UCK2: variants seen among roughly 807,000 people sequenced by gnomAD.
UCK2 encodes the protein uridine-cytidine kinase 2.
A neutral mutation model predicts 30.8 loss-of-function variants in UCK2; 6 were observed. The observed-to-expected ratio is 0.19, with a 90% CI of 0.11 to 0.38. UCK2 has a LOEUF of 0.38. Ranked by LOEUF, UCK2 falls within the 10% of genes least tolerant of loss-of-function variation. The pLI, the probability that UCK2 is intolerant of heterozygous loss-of-function variation, is 1.00. For synonymous variants in UCK2, 125 were observed against 133.6 expected, an observed-to-expected ratio of 0.94 and a Z score of 0.45; for missense variants, 210 against 339.8, an observed-to-expected ratio of 0.62 and a Z score of 3.00.
rs1235359742 is a variant in UCK2, at chr1:165,909,428, C to G, written c.*1605C>G. On this transcript the variant is annotated 3_prime_UTR_variant, in exon 7 of 7. Transcript: ENST00000367879. Reference sequence around the variant, plus strand: ...GCTCTCAGAGCCTGTTCGAGCCATTCAGGTAAATTGGTCTCCATTATTACC... The same window carrying G: ...GCTCTCAGAGCCTGTTCGAGCCATTGAGGTAAATTGGTCTCCATTATTACC... 1 of 152,214 alleles carries G rather than the reference C, an allele frequency of 6.6e-6. No individual in the cohort carries two copies. Among genetic ancestry groups the G allele is most frequent in the African/African-American group, 2.4e-5 (1 of 41,460 alleles). 9.4% of individuals were successfully genotyped at this position (152,214 alleles called of 1,614,324 possible). A position where few individuals can be genotyped will look rare whatever the true frequency, so the allele number is the denominator to read the frequency against.
chr1:165,869,659 CTTT>C (rs71100867), intron 1 of UCK2, among the ~76,000 whole-genome samples: 12 of 73,976 alleles, frequency 1.6e-4, no homozygotes, highest in South Asian at 7.1e-4. Context: ...CATCATGGGC[CTTT>C]TTTTTTTTTT....
intron 1 of UCK2, among the ~76,000 whole-genome samples, chr1:165,884,959 C>G (rs1296428053): frequency 6.6e-6 from 1 of 152,162 alleles, no homozygotes; most frequent in African/African-American, 2.4e-5. Context: ...ACATAATAAA[C>G]ATTTCTAGAA....
Position 165,907,835 on chromosome 1 carries a change from C to T in UCK2, c.*12C>T, listed in dbSNP as rs376173567. ...GCAGGCCGCATTGACCCGTCTCCAT[C>T]GGACCCCAGCCCCTATCTCCAAGAG... On this transcript the variant is annotated 3_prime_UTR_variant, in exon 7 of 7. Transcript: ENST00000367879. The T allele has an allele frequency of 2.9e-5, 46 of 1,613,172 alleles. No homozygotes were observed. Among genetic ancestry groups the T allele is most frequent in the Middle Eastern group, 1.6e-4 (1 of 6,082 alleles).
intron 4 of UCK2, among the ~76,000 whole-genome samples, chr1:165,896,964 A>T (rs571604458): frequency 1.3e-5 from 2 of 152,346 alleles, no homozygotes; most frequent in African/African-American, 4.8e-5. Flanking sequence ...TGAGCTCTAC[A>T]GGGTATTCAG....
chr1:165,902,061 C>T (rs1395163989), intron 4 of UCK2, among the ~76,000 whole-genome samples: 1 of 151,782 alleles, frequency 6.6e-6, no homozygotes, highest in African/African-American at 2.4e-5. Flanking sequence ...CGGTGAAACC[C>T]CCATCTCTAC....
chr1:165,875,137 C>G (rs1655304498), intron 1 of UCK2, among the ~76,000 whole-genome samples: 1 of 150,492 alleles, frequency 6.6e-6, no homozygotes, highest in Non-Finnish European at 1.5e-5. Flanking sequence ...TTTTATTGAA[C>G]ATATAGTTTG....
intron 1 of UCK2, among the ~76,000 whole-genome samples, chr1:165,849,233 G>A (rs1044569024): frequency 6.6e-6 from 1 of 152,192 alleles, no homozygotes; most frequent in Admixed American, 6.5e-5. Context: ...CAGAGCATAA[G>A]GATAAAGGGG....
At chr1:165,894,777 G>A (rs1655850538) in intron 3 of UCK2, among the ~76,000 whole-genome samples, 1 of 152,080 alleles carries the variant, frequency 6.6e-6, no homozygotes, top group Non-Finnish European at 1.5e-5. Flanking sequence ...GCATCAGGAA[G>A]TGTTTATGGG....
At chr1:165,845,903 G>A (rs922606397) in intron 1 of UCK2, among the ~76,000 whole-genome samples, 10 of 152,146 alleles carry the variant, frequency 6.6e-5, no homozygotes, top group Non-Finnish European at 1.5e-4. Flanking sequence ...CTGTACTCCA[G>A]TGATCCTCCT....
intron 1 of UCK2, among the ~76,000 whole-genome samples, chr1:165,874,732 C>T (rs1040994884): frequency 1.2e-4 from 19 of 152,022 alleles, no homozygotes; most frequent in African/African-American, 4.6e-4. Flanking sequence ...TTTCTTCCAT[C>T]TATAGGTTGT....
chr1:165,880,564 GGGGTGTGTGTGTGTGTGTGT>G lies in UCK2; in HGVS notation c.100-9638_100-9619del, dbSNP rs1354079316. Among the ~76,000 whole-genome samples the G allele has an allele frequency of 2.7e-3, 274 of 100,058 alleles. 2 individuals are homozygous for G. The East Asian group carries it at 0.05, about 18-fold the overall frequency. The allele number at this position is 100,058 out of a possible 152,430, so 65.6% of individuals were successfully genotyped here. ...GCCTAGATCCATTCAGTTTTTTTTG[GGGGTGTGTGTGTGTGTGTGT>G]GTGTGTGTGTGTGTGTGTGTGTGTG... is the stretch of plus-strand genomic sequence containing the variant. On this transcript the variant is annotated intron_variant, in intron 1 of 6. Transcript: ENST00000367879.
chr1:165,890,250 T>G lies in UCK2; in HGVS notation c.146T>G (p.Val49Gly). 6.2e-7 allele frequency: 1 copy of G among 1,614,144 alleles called. No homozygotes were observed. The highest frequency in any genetic ancestry group is 8.5e-7 in the Non-Finnish European group (1 of 1,180,032). Residue 49 changes from valine to glycine, a missense_variant, in exon 2 of 7, where the codon GTG becomes GGG. Val to Gly is a moderately radical substitution (Grantham distance 109). Transcript: ENST00000367879. The part of the protein sequence containing the change: ...KIVQLLGQNE[V>G]DYRQKQVVIL... ...GTGCAGCTCCTGGGGCAGAATGAGG[T>G]GGACTATCGCCAGAAGCAGGTGGTC...
intron 1 of UCK2, among the ~76,000 whole-genome samples, chr1:165,830,207 G>C (rs113080763): frequency 0.032 from 4,875 of 151,186 alleles, 272 homozygotes; most frequent in African/African-American, 0.11. Context: ...GTTTTGCCAT[G>C]TTGCCAGGCT....
chr1:165,890,298 A>G lies in UCK2; in HGVS notation c.194A>G (p.Tyr65Cys), dbSNP rs774279860. 6.2e-7 allele frequency: 1 copy of G among 1,613,992 alleles called. No individual in the cohort carries two copies. Among genetic ancestry groups the G allele is most frequent in the Non-Finnish European group, 8.5e-7 (1 of 1,180,046 alleles). The change falls in exon 2 of 7, where the codon TAC becomes TGC. Residue 65 changes from tyrosine to cysteine, a missense_variant. By Grantham distance (194) the Tyr-to-Cys change is radical (BLOSUM62 -2). This residue lies in a region of UCK2 where 75 missense variants were observed against 124.7 expected (regional missense o/e 0.60). Coordinates refer to ENST00000367879, the MANE Select transcript of UCK2 (RefSeq NM_012474.5). ...GTCATCCTGAGCCAGGATAGCTTCT[A>G]CCGTGTCCTTACCTCGGAGCAGAAG... is the stretch of plus-strand genomic sequence containing the variant. ...QVVILSQDSF[Y>C]RVLTSEQKAK...
At chr1:165,896,362 T>A in intron 4 of UCK2, 30 bp downstream of exon 4, 1 of 1,612,632 alleles carries the variant, frequency 6.2e-7, no homozygotes, top group Non-Finnish European at 8.5e-7. Context: ...GGTGGCCCTG[T>A]TGGTGGCCAC....
intron 1 of UCK2, among the ~76,000 whole-genome samples, chr1:165,882,866 C>T (rs995601901): frequency 3.3e-5 from 5 of 152,112 alleles, no homozygotes; most frequent in Non-Finnish European, 5.9e-5. Flanking sequence ...CGCTCTGTCA[C>T]GAGGCTGGAG....
At chr1:165,866,756 C>T (rs562255737) in intron 1 of UCK2, among the ~76,000 whole-genome samples, 1 of 152,308 alleles carries the variant, frequency 6.6e-6, no homozygotes, top group African/African-American at 2.4e-5. Flanking sequence ...TAAGTGGAAT[C>T]ACACAGCATT....
intron 1 of UCK2, among the ~76,000 whole-genome samples, chr1:165,880,564 G>GTGT (rs1655464339): frequency 1.0e-5 from 1 of 99,964 alleles, no homozygotes; most frequent in Non-Finnish European, 2.4e-5. Context: ...GTTTTTTTTG[G>GTGT]GGGTGTGTGT....
At chr1:165,907,620 C>T in intron 6 of UCK2, 64 bp from the exon 7 acceptor site, 1 of 1,568,320 alleles carries the variant, frequency 6.4e-7, no homozygotes, top group Non-Finnish European at 8.7e-7. Context: ...CCCAGACAGA[C>T]TCCCACACTC....
Sources: gnomAD v4.1 joint callset for allele counts (sites outside exome capture counted in the v4.1 genomes callset) on GRCh38, gnomAD v4.1.1 for gene constraint, gnomAD v4.1.1 regional missense constraint, MANE v1.5 for transcripts, NCBI Gene and HGNC (gene_info 2026-07-23, HGNC 2026-07-21) for gene names.